The following PYGO1 variants were observed in gnomAD, a reference collection of about 807,000 sequenced individuals.
PYGO1 encodes the protein pygopus family PHD finger 1.
Under a neutral mutation model 29.5 loss-of-function variants are expected in PYGO1, and 6 were observed. The ratio of observed to expected loss-of-function variants is 0.20; its 90% CI spans 0.11 to 0.40. The LOEUF is 0.40. Ranked by LOEUF, PYGO1 falls within the 10% of genes least tolerant of loss-of-function variation. PYGO1 has a pLI of 1.00. For synonymous variants in PYGO1, 186 were observed against 180.5 expected (o/e 1.03, Z -0.24); for missense variants, 515 against 514.9 (o/e 1.00, Z 0.00).
In PYGO1 at chr15:55,546,051, C is replaced by T. The variant is rs778231257; in HGVS notation, c.1232G>A (p.Gly411Asp). ...AGCATCACTGCCCACTGCAGATGGACCAAAAGTTTCTCTAGTACGCATTAA... is the reference window on the plus strand; with the variant it reads ...AGCATCACTGCCCACTGCAGATGGATCAAAAGTTTCTCTAGTACGCATTAA... ...VQLMRTRETFGPSAVGSDA is the reference protein window; with the variant it reads ...VQLMRTRETFDPSAVGSDA The change falls in exon 3 of 3, where the codon GGT becomes GAT. Residue 411 changes from glycine (G) to aspartate (D), a missense_variant. Transcript: ENST00000563719. 213 of 1,612,360 alleles carry T rather than the reference C, an allele frequency of 1.3e-4. No homozygotes were observed. Among genetic ancestry groups the T allele is most frequent in the Non-Finnish European group, 1.5e-4 (182 of 1,178,806 alleles).
At chr15:55,577,578 CTAAAACTAGGTTTTTGTTTT>C (rs72209099) in intron 1 of PYGO1, among the ~76,000 whole-genome samples, 142,312 of 151,054 alleles carry the variant, frequency 0.94, 67,195 homozygotes, top group Admixed American at 0.97. Context: ...GCAATGAAAT[CTAAAACTAGGTTTTTGTTTT>C]TAAAACTAGG....
intron 1 of PYGO1, among the ~76,000 whole-genome samples, chr15:55,586,984 A>T (rs545235): frequency 0.023 from 3,519 of 152,354 alleles, 145 homozygotes; most frequent in African/African-American, 0.08. Context: ...GCTGTATCCC[A>T]GTAACAAGAA....
chr15:55,571,990 GT>G (rs2141669310), intron 1 of PYGO1, among the ~76,000 whole-genome samples: 2 of 152,114 alleles, frequency 1.3e-5, no homozygotes, highest in East Asian at 3.9e-4. Context: ...CCTCAATAGG[GT>G]TTTTAGGGAG....
chr15:55,564,656 A>G (rs1216500560), intron 1 of PYGO1, among the ~76,000 whole-genome samples: 1 of 152,224 alleles, frequency 6.6e-6, no homozygotes, highest in African/African-American at 2.4e-5. Context: ...GTGACTTTTT[A>G]GCACAGTACT....
At position 55,546,948 on chromosome 15, in the gene PYGO1, G is replaced by A. The variant is rs144538691; in HGVS notation, c.335C>T (p.Pro112Leu). The A allele has an allele frequency of 5.8e-5, 94 of 1,614,000 alleles. No homozygotes were observed. In the East Asian group the frequency reaches 1.9e-3, roughly 33 times the overall value. ...ACCACAGTATGGGGAAGACATTCTT[G>A]GGGGAACGTGAGGTGGCATTCTGAA... is the stretch of plus-strand genomic sequence containing the variant. ...STFRMPPHVPPRMSSPYCGPY... is the reference protein window; with the variant it reads ...STFRMPPHVPLRMSSPYCGPY... Residue 112 changes from proline to leucine, a missense_variant, in exon 3 of 3, where the codon CCA (proline) becomes CTA (leucine). Pro to Leu is a moderately conservative substitution (Grantham distance 98). Coordinates refer to ENST00000563719, the MANE Select transcript of PYGO1 (RefSeq NM_001367806.1).
At chr15:55,574,704 T>A (rs1027877404) in intron 1 of PYGO1, among the ~76,000 whole-genome samples, 1 of 152,032 alleles carries the variant, frequency 6.6e-6, no homozygotes, top group Non-Finnish European at 1.5e-5. Flanking sequence ...CAAAGATATA[T>A]GATATATAAA....
At chr15:55,552,740 T>A (rs1239867354) in intron 1 of PYGO1, among the ~76,000 whole-genome samples, 1 of 152,034 alleles carries the variant, frequency 6.6e-6, no homozygotes, top group Non-Finnish European at 1.5e-5. Flanking sequence ...AGAGTCTCAG[T>A]AGAGCAGCCA....
chr15:55,563,339 G>C (rs1371291120), intron 1 of PYGO1, among the ~76,000 whole-genome samples: 2 of 151,472 alleles, frequency 1.3e-5, no homozygotes, highest in Non-Finnish European at 2.9e-5. Context: ...TTAGGGAGGA[G>C]GTGGTGGTTG....
At chr15:55,575,510 C>T (rs937885456) in intron 1 of PYGO1, among the ~76,000 whole-genome samples, 2 of 150,516 alleles carry the variant, frequency 1.3e-5, no homozygotes, top group African/African-American at 4.9e-5. Flanking sequence ...AGAAAAAAAT[C>T]AATCACCCTG....
rs1474414932 is a variant in PYGO1 at position 55,541,761 on chromosome 15, G to C, written c.*4262C>G. The C allele has an allele frequency of 6.6e-6, 1 of 152,144 alleles. No individual in the cohort carries two copies. The highest frequency in any genetic ancestry group is 1.5e-5 in the Non-Finnish European group (1 of 68,076). The allele number at this position is 152,144 out of a possible 1,614,324, so 9.4% of individuals were successfully genotyped here. Reference sequence around the variant, plus strand: ...TCACCAGAGTTTAGCATGGTAAGGGGGCAAATGCAAAGAAACCCACACCAA... The same window carrying C: ...TCACCAGAGTTTAGCATGGTAAGGGCGCAAATGCAAAGAAACCCACACCAA... On this transcript the variant is annotated 3_prime_UTR_variant, in exon 3 of 3. Transcript: ENST00000563719.
At chr15:55,558,141 T>TTCAGCAAAGTC (rs1043248636) in intron 1 of PYGO1, among the ~76,000 whole-genome samples, 4 of 152,182 alleles carry the variant, frequency 2.6e-5, no homozygotes, top group African/African-American at 7.2e-5. Context: ...GATAAGCAAC[T>TTCAGCAAAGTC]TCAGCAAAGT....
chr15:55,567,086 T>C (rs1184424638), intron 1 of PYGO1, among the ~76,000 whole-genome samples: 1 of 152,054 alleles, frequency 6.6e-6, no homozygotes, highest in Admixed American at 6.6e-5. Context: ...TGGTATCTTA[T>C]TGTGGTTTTG....
At chr15:55,562,315 G>A (rs1206836577) in intron 1 of PYGO1, among the ~76,000 whole-genome samples, 5 of 152,140 alleles carry the variant, frequency 3.3e-5, no homozygotes, top group African/African-American at 1.2e-4. Context: ...AAATACCATT[G>A]GACCCAGCAA....
At chr15:55,577,256 A>C (rs1312914607) in intron 1 of PYGO1, among the ~76,000 whole-genome samples, 2 of 152,154 alleles carry the variant, frequency 1.3e-5, no homozygotes, top group African/African-American at 4.8e-5. Flanking sequence ...AAAGAATGCA[A>C]ACTTTTGTCT....
At chr15:55,587,688 C>A in intron 1 of PYGO1, 147 bp downstream of exon 1, 4 of 1,164,692 alleles carry the variant, frequency 3.4e-6, no homozygotes, top group Non-Finnish European at 3.2e-6. Context: ...GCGCTCGGAT[C>A]GCAGCCTCGG....
chr15:55,544,954 G>A lies in PYGO1; in HGVS notation c.*1069C>T, dbSNP rs935493720. ...GTCAGAGCGGGAATTCCTTAAGTCT[G>A]CTGCAAGGCTTCAAATTGTTGTTTG... On this transcript the variant is annotated 3_prime_UTR_variant, in exon 3 of 3. Transcript: ENST00000563719. The A allele has an allele frequency of 6.6e-6, 1 of 152,128 alleles. No individual in the cohort carries two copies. The highest frequency in any genetic ancestry group is 1.5e-5 in the Non-Finnish European group (1 of 68,026). The allele number at this position is 152,128 out of a possible 1,614,324, so 9.4% of individuals were successfully genotyped here.
chr15:55,550,352 G>C (rs1567051112), intron 1 of PYGO1, among the ~76,000 whole-genome samples: 1 of 152,098 alleles, frequency 6.6e-6, no homozygotes, highest in Non-Finnish European at 1.5e-5. Context: ...GAGCTCTAGA[G>C]GGATACTTGA....
At chr15:55,578,693 C>T (rs1434957055) in intron 1 of PYGO1, among the ~76,000 whole-genome samples, 1 of 152,056 alleles carries the variant, frequency 6.6e-6, no homozygotes, top group Admixed American at 6.6e-5. Flanking sequence ...CCATTCATTT[C>T]TTAGGTTGTA....
At chr15:55,566,104 A>T (rs1386773305) in intron 1 of PYGO1, among the ~76,000 whole-genome samples, 1 of 152,008 alleles carries the variant, frequency 6.6e-6, no homozygotes, top group African/African-American at 2.4e-5. Flanking sequence ...TTTATTTTAG[A>T]TTTGGGGAGT....
Sources: allele counts gnomAD v4.1 joint callset (sites outside exome capture counted in the v4.1 genomes callset), GRCh38; gene constraint gnomAD v4.1.1; transcripts MANE v1.5; gene names NCBI Gene and HGNC (gene_info 2026-07-23, HGNC 2026-07-21).